The following AKAP11 variants were observed in gnomAD, a reference collection of about 807,000 sequenced individuals.
AKAP11 encodes A-kinase anchor protein 11.
In AKAP11, 36 loss-of-function variants were observed where a neutral mutation model predicts 146.1. That is an observed-to-expected ratio of 0.25 (90% CI 0.19 to 0.33). The LOEUF (loss-of-function observed/expected upper bound fraction) is 0.33, where lower values mean the gene tolerates loss of function less well. Ranked by LOEUF, AKAP11 falls within the 10% of genes least tolerant of loss-of-function variation. AKAP11 has a pLI of 1.00. For missense variants in AKAP11, 2,201 were observed against 2,197.0 expected (o/e 1.00, Z -0.04); for synonymous variants, 780 against 786.5 (o/e 0.99, Z 0.14).
intron 8 of AKAP11, among the ~76,000 whole-genome samples, chr13:42,307,965 G>T (rs1960355072): frequency 6.6e-6 from 1 of 152,180 alleles, no homozygotes; most frequent in Non-Finnish European, 1.5e-5. Flanking sequence ...AATGAAAGGG[G>T]TTATGATCTA....
At chr13:42,311,633 A>T (rs1450840928) in intron 9 of AKAP11, among the ~76,000 whole-genome samples, 1 of 151,964 alleles carries the variant, frequency 6.6e-6, no homozygotes, top group Non-Finnish European at 1.5e-5. Context: ...TAGGTGATGG[A>T]TTTTATTAAG....
intron 1 of AKAP11, among the ~76,000 whole-genome samples, chr13:42,281,562 G>C (rs1959059420): frequency 6.6e-6 from 1 of 152,020 alleles, no homozygotes; most frequent in Non-Finnish European, 1.5e-5. Flanking sequence ...GGAAAGACTT[G>C]GAGAATATAT....
chr13:42,286,160 TGGG>T (rs368488446), intron 2 of AKAP11, 125 bp downstream of exon 2: 11 of 388,948 alleles, frequency 2.8e-5, no homozygotes, highest in East Asian at 1.2e-4. Context: ...GCAAGTAAAT[TGGG>T]GGGGGTGCTC....
chr13:42,308,742 C>G, intron 9 of AKAP11, 133 bp downstream of exon 9: 1 of 719,412 alleles, frequency 1.4e-6, no homozygotes, highest in Admixed American at 3.6e-5. Flanking sequence ...TTTTATTATT[C>G]ACAATGTATT....
chr13:42,287,950 T>G (rs1959179312), intron 3 of AKAP11, among the ~76,000 whole-genome samples: 1 of 152,230 alleles, frequency 6.6e-6, no homozygotes, highest in African/African-American at 2.4e-5. Context: ...TGTCTTTTGT[T>G]ATTCAACGTA....
upstream of AKAP11, chr13:42,272,080 AGGGGTGGGCAGGGCG>A (rs773996642): frequency 0.43 from 23,876 of 56,160 alleles, 2,792 homozygotes; most frequent in Admixed American, 0.49. Context: ...GCGGAAGCCG[AGGGGTGGGCAGGGCG>A]GGGGCGGGCC....
chr13:42,303,740 AGCT>A lies in AKAP11; in HGVS notation c.4996_4998del (p.Leu1666del), dbSNP rs765417961. 134 of 1,613,998 alleles carry A rather than the reference AGCT, an allele frequency of 8.3e-5. No individual in the cohort carries two copies. The highest frequency in any genetic ancestry group is 1.1e-4 in the Non-Finnish European group (128 of 1,180,010). The stretch of plus-strand genomic sequence containing the variant: ...GAAGCCATTGAAAAAGCTGAGCGAG[AGCT>A]GAGCAGTACCAGCCTGGCAGCCGAC... On this transcript the variant is annotated inframe_deletion, in exon 8 of 13. Transcript: ENST00000025301.
chr13:42,305,098 A>C (rs957146958), intron 8 of AKAP11, among the ~76,000 whole-genome samples: 1 of 152,208 alleles, frequency 6.6e-6, no homozygotes, highest in African/African-American at 2.4e-5. Flanking sequence ...TTTTCAGTTT[A>C]AACCTTCTTT....
chr13:42,322,040 C>G lies in AKAP11; in HGVS notation c.*2812C>G, dbSNP rs1961109089. On this transcript the variant is annotated 3_prime_UTR_variant, in exon 13 of 13. Transcript: ENST00000025301. Reference sequence around the variant, plus strand: ...GGTGTTAAGGTTGATTTTTAAGATACTTCTGATTTGTACAAAAGGAATGTT... The same window carrying G: ...GGTGTTAAGGTTGATTTTTAAGATAGTTCTGATTTGTACAAAAGGAATGTT... 1 of 152,186 alleles carries G rather than the reference C, an allele frequency of 6.6e-6. No individual in the cohort carries two copies. Among genetic ancestry groups the G allele is most frequent in the South Asian group, 2.1e-4 (1 of 4,824 alleles). 9.4% of individuals were successfully genotyped at this position (152,186 alleles called of 1,614,324 possible).
At chr13:42,293,938 C>T (rs191607741) in intron 4 of AKAP11, among the ~76,000 whole-genome samples, 2 of 152,308 alleles carry the variant, frequency 1.3e-5, no homozygotes, top group African/African-American at 4.8e-5. Context: ...AGGCACTTTC[C>T]TCTACATTAT....
intron 9 of AKAP11, among the ~76,000 whole-genome samples, chr13:42,311,911 A>G (rs191325420): frequency 3.3e-5 from 5 of 152,320 alleles, no homozygotes; most frequent in African/African-American, 7.2e-5. Context: ...ACTCTCTAAT[A>G]CATCATGATT....
chr13:42,322,156 T>C lies in AKAP11; in HGVS notation c.*2928T>C, dbSNP rs77315027. On this transcript the variant is annotated 3_prime_UTR_variant, in exon 13 of 13. Transcript: ENST00000025301. ...ATAAAACCTTTAAGAGGATTCATGG[T>C]GAATATATGTGATAACATCTTTATA... 0.014 allele frequency: 2,078 copies of C among 152,386 alleles called. 17 individuals are homozygous for C. Among genetic ancestry groups the C allele is most frequent in the Non-Finnish European group, 0.021 (1,442 of 67,976 alleles). 9.4% of individuals were successfully genotyped at this position (152,386 alleles called of 1,614,324 possible). A position where few individuals can be genotyped will look rare whatever the true frequency, so the allele number is the denominator to read the frequency against.
intron 5 of AKAP11, among the ~76,000 whole-genome samples, 182 bp from the exon 6 acceptor site, chr13:42,296,866 A>G (rs919934350): frequency 2.0e-5 from 3 of 151,960 alleles, no homozygotes; most frequent in South Asian, 2.1e-4. Context: ...TAATTTTAGT[A>G]TATTTTATTT....
chr13:42,290,830 T>TCATA (rs1286565106), intron 3 of AKAP11, among the ~76,000 whole-genome samples: 1 of 152,196 alleles, frequency 6.6e-6, no homozygotes. Context: ...CAGGCTCGCT[T>TCATA]CATACATTCT....
rs1431052824 is a variant in AKAP11 at position 42,301,238 on chromosome 13, C to G, written c.2492C>G (p.Ala831Gly). ...IATKNREEKAACLRNICLPSE... is the reference protein window; with the variant it reads ...IATKNREEKAGCLRNICLPSE... Reference sequence around the variant, plus strand: ...ACAAAAAACAGAGAAGAAAAAGCAGCTTGTCTCAGAAATATTTGTTTACCT... The same window carrying G: ...ACAAAAAACAGAGAAGAAAAAGCAGGTTGTCTCAGAAATATTTGTTTACCT... The change falls in exon 8 of 13, where the codon GCT becomes GGT. Residue 831 changes from alanine to glycine, a missense_variant. Ala to Gly is a moderately conservative substitution (Grantham distance 60, BLOSUM62 0). Transcript: ENST00000025301. The G allele has an allele frequency of 6.2e-7, 1 of 1,613,930 alleles. No individual in the cohort carries two copies. The highest frequency in any genetic ancestry group is 8.5e-7 in the Non-Finnish European group (1 of 1,179,944).
At chr13:42,314,645 C>G (rs1286016954) in intron 11 of AKAP11, among the ~76,000 whole-genome samples, 1 of 151,822 alleles carries the variant, frequency 6.6e-6, no homozygotes, top group African/African-American at 2.4e-5. Context: ...ACTTGTAGAA[C>G]CAGGGTTTCA....
At chr13:42,316,576 G>T (rs1367083028) in intron 11 of AKAP11, among the ~76,000 whole-genome samples, 1 of 152,174 alleles carries the variant, frequency 6.6e-6, no homozygotes, top group Admixed American at 6.5e-5. Context: ...CTGGCTTTTG[G>T]GTGTAAGTGG....
chr13:42,305,176 T>C (rs545211239), intron 8 of AKAP11, among the ~76,000 whole-genome samples: 1 of 152,378 alleles, frequency 6.6e-6, no homozygotes, highest in East Asian at 1.9e-4. Flanking sequence ...AAGTCCTGCT[T>C]GAAAGAGAAA....
chr13:42,272,943 A>T (rs976214471), intron 1 of AKAP11, among the ~76,000 whole-genome samples: 1 of 151,940 alleles, frequency 6.6e-6, no homozygotes, highest in African/African-American at 2.4e-5. Flanking sequence ...AAAAGCTAAC[A>T]TTTTTTCTCT....
Sources: allele counts gnomAD v4.1 joint callset (sites outside exome capture counted in the v4.1 genomes callset), GRCh38; gene constraint gnomAD v4.1.1; transcripts MANE v1.5; gene names NCBI Gene and HGNC (gene_info 2026-07-23, HGNC 2026-07-21).